The following SLC12A2 variants were observed in gnomAD, a reference collection of about 807,000 sequenced individuals.
The protein encoded by SLC12A2 is Na-K-2Cl cotransporter 1.
In SLC12A2, 67 loss-of-function variants were observed where a neutral mutation model predicts 136.3. That is an observed-to-expected ratio of 0.49 (90% CI 0.40 to 0.60). The LOEUF (loss-of-function observed/expected upper bound fraction) is 0.60. Among genes scored for constraint, SLC12A2 ranks in the 20% least tolerant of loss-of-function variants. The probability of loss-of-function intolerance (pLI) is 0.00; values close to 1 mark genes in which losing one functional copy is unlikely to be tolerated. For synonymous variants in SLC12A2, 619 were observed against 562.9 expected, an observed-to-expected ratio of 1.10 and a Z score of -1.41; for missense variants, 1,322 against 1,534.7, an observed-to-expected ratio of 0.86 and a Z score of 2.32.
chr5:128,112,070 C>T (rs541605896), intron 1 of SLC12A2, among the ~76,000 whole-genome samples: 2 of 151,964 alleles, frequency 1.3e-5, no homozygotes, highest in African/African-American at 4.8e-5. Context: ...TTTTAGGGCT[C>T]GGTTACTGCT....
At chr5:128,131,945 C>T (rs917249382) in intron 5 of SLC12A2, among the ~76,000 whole-genome samples, 5 of 152,200 alleles carry the variant, frequency 3.3e-5, no homozygotes, top group African/African-American at 4.8e-5. Flanking sequence ...GCAAAGGTTG[C>T]GGTGAGCCGA....
intron 4 of SLC12A2, among the ~76,000 whole-genome samples, chr5:128,127,095 C>G (rs115722578): frequency 2.9e-4 from 39 of 134,602 alleles, no homozygotes; most frequent in African/African-American, 1.1e-3. Flanking sequence ...TGAGTATGAT[C>G]ATAAGGAATA....
chr5:128,156,600 A>G (rs1438658549), intron 15 of SLC12A2, among the ~76,000 whole-genome samples: 4 of 152,196 alleles, frequency 2.6e-5, no homozygotes, highest in Admixed American at 1.3e-4. Flanking sequence ...AACTACTATA[A>G]TAAAAAGACT....
intron 15 of SLC12A2, among the ~76,000 whole-genome samples, chr5:128,154,343 G>T (rs1371028738): frequency 6.6e-6 from 1 of 151,828 alleles, no homozygotes; most frequent in Non-Finnish European, 1.5e-5. Context: ...TAGAGCCAAG[G>T]AGTGTCTAGG....
At chr5:128,132,741 C>G (rs1211427614) in intron 5 of SLC12A2, among the ~76,000 whole-genome samples, 2 of 152,000 alleles carry the variant, frequency 1.3e-5, no homozygotes, top group East Asian at 1.9e-4. Flanking sequence ...CATGTTTACA[C>G]CAAAGGGATG....
chr5:128,103,485 CT>C (rs1196543792), intron 1 of SLC12A2, among the ~76,000 whole-genome samples: 1 of 152,146 alleles, frequency 6.6e-6, no homozygotes, highest in African/African-American at 2.4e-5. Context: ...TTTACCATAT[CT>C]TTGATAAAAA....
rs1763604593 is a variant in SLC12A2, at chr5:128,178,603, A to T, written c.3014A>T (p.Asp1005Val). Residue 1005 changes from aspartate to valine, a missense_variant, in exon 22 of 27, where the codon GAC becomes GTC. This residue lies in a region of SLC12A2 where 226 missense variants were observed against 210.4 expected (regional missense o/e 1.07). Coordinates refer to ENST00000262461, the MANE Select transcript of SLC12A2 (RefSeq NM_001046.3). ...KGPIVPLNVADQKLLEASTQF... is the reference protein window; with the variant it reads ...KGPIVPLNVAVQKLLEASTQF... ...CCTATTGTGCCTTTAAATGTAGCTG[A>T]CCAAAAGCTTCTTGAAGCTAGTACA... 6 of 1,600,586 alleles carry T rather than the reference A, an allele frequency of 3.7e-6. No individual in the cohort carries two copies. Among genetic ancestry groups the T allele is most frequent in the Non-Finnish European group, 5.1e-6 (6 of 1,173,858 alleles).
At chr5:128,145,315 T>C (rs141791183) in intron 10 of SLC12A2, among the ~76,000 whole-genome samples, 25 of 152,216 alleles carry the variant, frequency 1.6e-4, no homozygotes, top group Non-Finnish European at 2.9e-4. Flanking sequence ...CGTCCACTTA[T>C]CTCTTTCTTT....
At chr5:128,168,080 ATATATATACACACACACACACATATATG>A (rs1763256902) in intron 18 of SLC12A2, 1 of 391,060 alleles carries the variant, frequency 2.6e-6, no homozygotes, top group Non-Finnish European at 4.5e-6. Context: ...ATGCATATAT[ATATATATACACACACACACACATATATG>A]TATGTATATG....
intron 1 of SLC12A2, chr5:128,110,011 C>CAGT: frequency 3.7e-6 from 4 of 1,066,792 alleles, no homozygotes; most frequent in Non-Finnish European, 5.9e-6. Flanking sequence ...GAAAAGATTG[C>CAGT]AGTAGAAATC....
At chr5:128,095,535 T>C (rs1760499827) in intron 1 of SLC12A2, among the ~76,000 whole-genome samples, 1 of 152,204 alleles carries the variant, frequency 6.6e-6, no homozygotes, top group African/African-American at 2.4e-5. Flanking sequence ...GTTTTGTTTT[T>C]ATAAACAGGC....
In SLC12A2 at chr5:128,131,093, A is replaced by G. The variant is rs777578569; in HGVS notation, c.1075A>G (p.Ser359Gly). 2 of 1,613,934 alleles carry G rather than the reference A, an allele frequency of 1.2e-6. No homozygotes were observed. The highest frequency in any genetic ancestry group is 1.1e-5 in the South Asian group (1 of 91,060). Residue 359 changes from serine (S) to glycine (G), a missense_variant, in exon 5 of 27, where the codon AGT (serine) becomes GGT (glycine). Physicochemically the swap from Ser to Gly is moderately conservative, Grantham distance 56. This residue lies in a region of SLC12A2 where 71 missense variants were observed against 131.0 expected (regional missense o/e 0.54). Transcript: ENST00000262461. ...AGGAGCATATTATTTAATATCTAGA[A>G]GTCTAGGGCCAGAATTTGGTGGTGC... ...GGGAYYLISR[S>G]LGPEFGGAIG...
At chr5:128,150,277 A>G (rs1431660365) in intron 13 of SLC12A2, among the ~76,000 whole-genome samples, 179 bp downstream of exon 13, 2 of 151,826 alleles carry the variant, frequency 1.3e-5, no homozygotes, top group Non-Finnish European at 3.0e-5. Context: ...TTTACTGATA[A>G]TATTGTTTCT....
At chr5:128,176,287 A>C (rs1763539237) in intron 20 of SLC12A2, among the ~76,000 whole-genome samples, 1 of 152,020 alleles carries the variant, frequency 6.6e-6, no homozygotes, top group African/African-American at 2.4e-5. Flanking sequence ...TCAGTAATGA[A>C]AGTTTACTCA....
Position 128,084,416 on chromosome 5 carries a change from C to G in SLC12A2, c.462C>G (p.Asp154Glu), listed in dbSNP as rs1324388556. Residue 154 changes from aspartate to glutamate, a missense_variant, in exon 1 of 27, where the codon GAC (aspartate) becomes GAG (glutamate). Physicochemically the swap from Asp to Glu is conservative, Grantham distance 45. Coordinates refer to ENST00000262461, the MANE Select transcript of SLC12A2 (RefSeq NM_001046.3). The surrounding 1 kb of genome is among the most constrained non-coding windows in gnomAD (Gnocchi z 5.6). ...CAGCTGCCTCCTCGTCGGCTGAAGA[C>G]AGCCTGTCAGATGCTGCCGGGGTCG... ...VDPAASSSAE[D>E]SLSDAAGVGV... The G allele has an allele frequency of 1.2e-6, 2 of 1,612,052 alleles. No individual in the cohort carries two copies. Among genetic ancestry groups the G allele is most frequent in the Non-Finnish European group, 8.5e-7 (1 of 1,179,320 alleles).
At chr5:128,147,758 T>A in intron 11 of SLC12A2, 29 bp downstream of exon 11, 1 of 1,332,212 alleles carries the variant, frequency 7.5e-7, no homozygotes, top group Non-Finnish European at 1.1e-6. Flanking sequence ...CAGGCTTTAT[T>A]AAAGGGAGAG....
chr5:128,167,455 GATT>G (rs1217171083), intron 17 of SLC12A2, among the ~76,000 whole-genome samples: 1 of 151,952 alleles, frequency 6.6e-6, no homozygotes, highest in Non-Finnish European at 1.5e-5. Flanking sequence ...TTTTTAAAAA[GATT>G]ATATTCTCTT....
intron 1 of SLC12A2, among the ~76,000 whole-genome samples, chr5:128,085,638 A>G (rs1464245257): frequency 2.0e-5 from 3 of 152,234 alleles, no homozygotes; most frequent in African/African-American, 7.2e-5. Context: ...GTCTTCCTTT[A>G]CAAGTGTGTA....
rs1197288442 is a variant in SLC12A2, at chr5:128,152,822, G to A, written c.2363+17G>A. ...AAACTTTAGGTAAGTGATAAAGAAG[G>A]AAACATGGAAGCATTTTCTCTTTGC... is the stretch of plus-strand genomic sequence containing the variant. On this transcript the variant is annotated intron_variant, in intron 15 of 26. Coordinates refer to ENST00000262461, the MANE Select transcript of SLC12A2 (RefSeq NM_001046.3). 1 of 1,447,824 alleles carries A rather than the reference G, an allele frequency of 6.9e-7. No individual in the cohort carries two copies. The highest frequency in any genetic ancestry group is 9.7e-7 in the Non-Finnish European group (1 of 1,028,582). 89.7% of individuals were successfully genotyped at this position (1,447,824 alleles called of 1,614,324 possible).
Sources: gnomAD v4.1 joint callset for allele counts (sites outside exome capture counted in the v4.1 genomes callset) on GRCh38, gnomAD v4.1.1 for gene constraint, gnomAD v4.1.1 regional missense constraint, Gnocchi (gnomAD v3.1) non-coding constraint, MANE v1.5 for transcripts, NCBI Gene and HGNC (gene_info 2026-07-23, HGNC 2026-07-21) for gene names.